The following EHD2 variants were observed in gnomAD, a reference collection of about 807,000 sequenced individuals.
The protein encoded by EHD2 is EH domain-containing protein 2.
Under a neutral mutation model 41.0 loss-of-function variants are expected in EHD2, and 27 were observed. That is an observed-to-expected ratio of 0.66 (90% CI 0.49 to 0.91). The LOEUF (loss-of-function observed/expected upper bound fraction) is 0.91. Ranked by LOEUF, EHD2 falls within the 40% of genes least tolerant of loss-of-function variation. EHD2 has a pLI of 0.00. For missense variants in EHD2, 673 were observed against 773.9 expected, an observed-to-expected ratio of 0.87 and a Z score of 1.55; for synonymous variants, 342 against 341.0, an observed-to-expected ratio of 1.00 and a Z score of -0.03.
In EHD2 at chr19:47,741,101, G is replaced by A; in HGVS notation, c.1301G>A (p.Gly434Asp). ...GGACCTGACGAGGCCATGGAGGACG[G>A]CGAGGAGGGCTCGGACGACGAGGCC... ...ERGPDEAMED[G>D]EEGSDDEAEW... The change falls in exon 6 of 6, where the codon GGC becomes GAC. Residue 434 changes from glycine (G) to aspartate (D), a missense_variant. Gly to Asp is a moderately conservative substitution (Grantham distance 94). Coordinates refer to ENST00000263277, the MANE Select transcript of EHD2 (RefSeq NM_014601.4). This position sits in a 1 kb window ranked among gnomAD's most constrained non-coding sequence, Gnocchi z 4.5. The A allele has an allele frequency of 6.2e-7, 1 of 1,610,266 alleles. No individual in the cohort carries two copies.
chr19:47,741,278 G>T lies in EHD2; in HGVS notation c.1478G>T (p.Ser493Ile). 1 of 1,614,092 alleles carries T rather than the reference G, an allele frequency of 6.2e-7. No individual in the cohort carries two copies. Among genetic ancestry groups the T allele is most frequent in the Non-Finnish European group, 8.5e-7 (1 of 1,179,980 alleles). ...GTGCTGGGGCGCATCTGGAAGCTCA[G>T]CGATGTGGACCGCGACGGCATGCTG... is the stretch of plus-strand genomic sequence containing the variant. ...NSVLGRIWKL[S>I]DVDRDGMLDD... Residue 493 changes from serine (S) to isoleucine (I), a missense_variant, in exon 6 of 6, where the codon AGC becomes ATC. Transcript: ENST00000263277. The surrounding 1 kb of genome is among the most constrained non-coding windows in gnomAD (Gnocchi z 4.5).
intron 4 of EHD2, among the ~76,000 whole-genome samples, chr19:47,733,386 A>T (rs10425507): frequency 0.67 from 101,518 of 151,614 alleles, 34,477 homozygotes; most frequent in African/African-American, 0.78. Flanking sequence ...ATAAATCAAG[A>T]CATTAGGCCA....
chr19:47,725,943 G>C lies in EHD2; in HGVS notation c.634G>C (p.Asp212His), dbSNP rs369840650. The change falls in exon 4 of 6, where the codon GAC (aspartate) becomes CAC (histidine). Residue 212 changes from aspartate to histidine, a missense_variant. Asp to His is a moderately conservative substitution (Grantham distance 81, BLOSUM62 -1). Coordinates refer to ENST00000263277, the MANE Select transcript of EHD2 (RefSeq NM_014601.4). The part of the protein sequence containing the change: ...EAIGALRGHE[D>H]KIRVVLNKAD... ...CATCGGCGCGTTGCGGGGCCATGAGGACAAGATCCGCGTGGTGCTCAACAA... is the reference window on the plus strand; with the variant it reads ...CATCGGCGCGTTGCGGGGCCATGAGCACAAGATCCGCGTGGTGCTCAACAA... 2.0e-5 allele frequency: 32 copies of C among 1,613,764 alleles called. No individual in the cohort carries two copies. Among genetic ancestry groups the C allele is most frequent in the Non-Finnish European group, 8.5e-7 (1 of 1,179,830 alleles).
Position 47,716,874 on chromosome 19 carries a change from G to A in EHD2, c.262G>A (p.Val88Met), listed in dbSNP as rs759510009. 9.8e-5 allele frequency: 158 copies of A among 1,612,218 alleles called. No homozygotes were observed. The highest frequency in any genetic ancestry group is 1.3e-4 in the Non-Finnish European group (153 of 1,179,476). Residue 88 changes from valine (V) to methionine (M), a missense_variant, in exon 2 of 6, where the codon GTG (valine) becomes ATG (methionine). Physicochemically the swap from Val to Met is conservative, Grantham distance 21. Coordinates refer to ENST00000263277, the MANE Select transcript of EHD2 (RefSeq NM_014601.4). ...GGAGCAGGAGGTGCCCGGCTCCCGC[G>A]TGGGGCCTGAGCCCACCACCGACTG... ...LLEQEVPGSRVGPEPTTDCFV... is the reference protein window; with the variant it reads ...LLEQEVPGSRMGPEPTTDCFV...
Position 47,741,309 on chromosome 19 carries a change from T to C in EHD2, c.1509T>C (p.Asp503=), listed in dbSNP as rs1568595005. ...TGGACCGCGACGGCATGCTGGATGA[T>C]GAGGAGTTCGCGCTGGCCAGCCACC... ...SDVDRDGMLD[D]EEFALASHLI... The change falls in exon 6 of 6, where the codon GAT becomes GAC. Residue 503 remains aspartate, a synonymous_variant. Coordinates refer to ENST00000263277, the MANE Select transcript of EHD2 (RefSeq NM_014601.4). The surrounding 1 kb of genome is among the most constrained non-coding windows in gnomAD (Gnocchi z 4.5). 6 of 1,613,752 alleles carry C rather than the reference T, an allele frequency of 3.7e-6. No individual in the cohort carries two copies. In the Admixed American group the frequency reaches 5.0e-5, roughly 13 times the overall value.
intron 2 of EHD2, among the ~76,000 whole-genome samples, chr19:47,717,472 C>G (rs1198220820): frequency 6.6e-6 from 1 of 152,214 alleles, no homozygotes; most frequent in African/African-American, 2.4e-5. Context: ...CTTCCCATGC[C>G]TGTCTCTGCT....
chr19:47,718,331 T>C (rs1457821845), intron 2 of EHD2, among the ~76,000 whole-genome samples, 178 bp from the exon 3 acceptor site: 2 of 149,696 alleles, frequency 1.3e-5, no homozygotes, highest in Non-Finnish European at 3.0e-5. Flanking sequence ...TCACTGAACA[T>C]GAGCTGTGGC....
At chr19:47,736,764 C>CA (rs1234094079) in intron 5 of EHD2, among the ~76,000 whole-genome samples, 1 of 152,150 alleles carries the variant, frequency 6.6e-6, no homozygotes, top group Non-Finnish European at 1.5e-5. Flanking sequence ...TTCTTTCCTC[C>CA]ATAAAAAGTC....
rs557483393 is a variant in EHD2 at position 47,723,780 on chromosome 19, T to C, written c.503-2032T>C. ...GCAGCCTCCAACTGCTGGGCTCAAGTGATCCTCTTGCTTCCTCCTCCTGAG... is the reference window on the plus strand; with the variant it reads ...GCAGCCTCCAACTGCTGGGCTCAAGCGATCCTCTTGCTTCCTCCTCCTGAG... On this transcript the variant is annotated intron_variant, in intron 3 of 5. Transcript: ENST00000263277. Among the ~76,000 whole-genome samples, 29 of 151,614 alleles carry C rather than the reference T, an allele frequency of 1.9e-4. No individual in the cohort carries two copies. In the East Asian group the frequency reaches 5.6e-3, roughly 29 times the overall value.
intron 4 of EHD2, among the ~76,000 whole-genome samples, chr19:47,733,751 C>CAACAAAAAAAAAAA (rs1966893048): frequency 1.8e-5 from 1 of 57,116 alleles, no homozygotes; most frequent in Non-Finnish European, 3.3e-5. Context: ...GACTCTGTCT[C>CAACAAAAAAAAAAA]AAAAAAAAAA....
At chr19:47,736,970 G>A (rs879262883) in intron 5 of EHD2, among the ~76,000 whole-genome samples, 16 of 151,988 alleles carry the variant, frequency 1.1e-4, no homozygotes, top group East Asian at 3.9e-4. Context: ...GGTGGCTCAC[G>A]CCTGTAATCC....
chr19:47,727,813 G>A (rs745990497), intron 4 of EHD2, among the ~76,000 whole-genome samples: 1 of 152,170 alleles, frequency 6.6e-6, no homozygotes, highest in East Asian at 1.9e-4. Flanking sequence ...AACAATGAAG[G>A]CTGGGTGCGG....
intron 4 of EHD2, among the ~76,000 whole-genome samples, chr19:47,730,058 C>T (rs749358384): frequency 5.3e-5 from 8 of 152,062 alleles, no homozygotes; most frequent in Non-Finnish European, 1.0e-4. Flanking sequence ...GAGCACAAGG[C>T]CCAGGGACAG....
At chr19:47,716,492 C>T in intron 1 of EHD2, 66 bp from the exon 2 acceptor site, 1 of 1,156,846 alleles carries the variant, frequency 8.6e-7, no homozygotes, top group Non-Finnish European at 1.2e-6. Flanking sequence ...AGACAGTCTA[C>T]ACTCAGACCC....
In EHD2 at chr19:47,719,911, AGAG is replaced by A. The variant is rs1194314374; in HGVS notation, c.502+1312_502+1314del. On this transcript the variant is annotated intron_variant, in intron 3 of 5. Coordinates refer to ENST00000263277, the MANE Select transcript of EHD2 (RefSeq NM_014601.4). The surrounding 1 kb of genome is among the most constrained non-coding windows in gnomAD (Gnocchi z 4.1). ...CCTCCCTGGCCTTGAGGATAGAGGAAGAGGAGGAGAGAGTGTCCAGCTGTTGGT... is the reference window on the plus strand; with the variant it reads ...CCTCCCTGGCCTTGAGGATAGAGGAAGAGGAGAGAGTGTCCAGCTGTTGGT... Among the ~76,000 whole-genome samples the A allele has an allele frequency of 6.6e-6, 1 of 151,252 alleles. No individual in the cohort carries two copies. The highest frequency in any genetic ancestry group is 1.5e-5 in the Non-Finnish European group (1 of 67,834).
intron 4 of EHD2, among the ~76,000 whole-genome samples, chr19:47,733,392 G>C (rs1378182245): frequency 6.6e-6 from 1 of 151,880 alleles, no homozygotes; most frequent in Non-Finnish European, 1.5e-5. Flanking sequence ...CAAGACATTA[G>C]GCCAGGCGCG....
intron 2 of EHD2, 149 bp from the exon 3 acceptor site, chr19:47,718,360 G>A: frequency 1.7e-6 from 1 of 583,842 alleles, no homozygotes; most frequent in Non-Finnish European, 3.1e-6. Flanking sequence ...ACTCTGAGAT[G>A]GTCCTGGTTG....
intron 4 of EHD2, 109 bp downstream of exon 4, chr19:47,726,333 C>G (rs928532410): frequency 1.5e-6 from 2 of 1,335,356 alleles, no homozygotes; most frequent in Non-Finnish European, 2.0e-6. Flanking sequence ...AGTTAGTTCT[C>G]TTGAAGTTGG....
rs201423715 is a variant in EHD2 at position 47,736,344 on chromosome 19, G to A, written c.916-25G>A. The A allele has an allele frequency of 1.4e-4, 225 of 1,594,666 alleles. 2 individuals are homozygous for A. In the East Asian group the frequency reaches 3.9e-3, roughly 27 times the overall value. On this transcript the variant is annotated intron_variant, in intron 4 of 5. Coordinates refer to ENST00000263277, the MANE Select transcript of EHD2 (RefSeq NM_014601.4). ...AGCTCCCTGGTGGACCCTGATGCAG[G>A]CTGAGGTGAGAACCCTTCCCACAGG... is the stretch of plus-strand genomic sequence containing the variant.
Sources: allele counts gnomAD v4.1 joint callset (sites outside exome capture counted in the v4.1 genomes callset), GRCh38; gene constraint gnomAD v4.1.1; non-coding constraint Gnocchi (gnomAD v3.1); transcripts MANE v1.5; gene names NCBI Gene and HGNC (gene_info 2026-07-23, HGNC 2026-07-21).